AFAP1: variants seen among roughly 807,000 people sequenced by gnomAD.
The protein encoded by AFAP1 is actin filament-associated protein 1.
In AFAP1, 75 loss-of-function variants were observed where a neutral mutation model predicts 93.9. The observed-to-expected ratio is 0.80, with a 90% CI of 0.66 to 0.97. AFAP1 has a LOEUF of 0.97. AFAP1 is among the 50% of genes least tolerant of loss of function. The probability of loss-of-function intolerance (pLI) is 0.00; values close to 1 mark genes in which losing one functional copy is unlikely to be tolerated. For missense variants in AFAP1, 1,201 were observed against 1,050.8 expected (o/e 1.14, Z -1.98); for synonymous variants, 517 against 430.7 (o/e 1.20, Z -2.48).
intron 6 of AFAP1, among the ~76,000 whole-genome samples, chr4:7,822,197 C>T (rs919750382): frequency 2.0e-5 from 3 of 152,178 alleles, no homozygotes; most frequent in Non-Finnish European, 4.4e-5. Context: ...GCTTCTACGT[C>T]AAACCCACCT....
intron 17 of AFAP1, among the ~76,000 whole-genome samples, chr4:7,768,233 C>A (rs1327415735): frequency 6.6e-6 from 1 of 152,268 alleles, no homozygotes; most frequent in Non-Finnish European, 1.5e-5. Context: ...GCACTTTCCG[C>A]TGCTGCCGCC....
At chr4:7,820,245 G>A (rs1720846543) in intron 6 of AFAP1, among the ~76,000 whole-genome samples, 2 of 152,208 alleles carry the variant, frequency 1.3e-5, no homozygotes, top group African/African-American at 4.8e-5. Flanking sequence ...TGGATTCTTA[G>A]CAACTGGGTG....
At chr4:7,930,105 G>A (rs918380604) in intron 1 of AFAP1, among the ~76,000 whole-genome samples, 2 of 152,162 alleles carry the variant, frequency 1.3e-5, no homozygotes, top group African/African-American at 4.8e-5. Context: ...ACACAGTGTT[G>A]CTGAAAAAGT....
intron 17 of AFAP1, among the ~76,000 whole-genome samples, chr4:7,767,711 C>G (rs1242968527): frequency 6.6e-6 from 1 of 152,130 alleles, no homozygotes; most frequent in Middle Eastern, 3.2e-3. Flanking sequence ...GAGAGCACAG[C>G]AGGGGGGCGG....
In AFAP1 at chr4:7,800,560, A is replaced by G. The variant is rs760846833; in HGVS notation, c.1148T>C (p.Leu383Pro). The change falls in exon 10 of 18, where the codon CTG becomes CCG. Residue 383 changes from leucine to proline, a missense_variant. By Grantham distance (98) the Leu-to-Pro change is moderately conservative (BLOSUM62 -3). Coordinates refer to ENST00000420658, the MANE Select transcript of AFAP1 (RefSeq NM_001134647.2). ...CGGAATAGACACAATATGGGTCTTC[A>G]GGTCGGTCCTGTCCTTGTGGAAAAT... is the stretch of plus-strand genomic sequence containing the variant. ...KLIFHKDRTD[L>P]KTHIVSIPLR... 1 of 1,614,218 alleles carries G rather than the reference A, an allele frequency of 6.2e-7. No homozygotes were observed. Among genetic ancestry groups the G allele is most frequent in the Non-Finnish European group, 8.5e-7 (1 of 1,180,034 alleles).
intron 4 of AFAP1, among the ~76,000 whole-genome samples, chr4:7,852,743 A>C (rs569714536): frequency 8.5e-5 from 13 of 152,234 alleles, no homozygotes; most frequent in African/African-American, 2.9e-4. Context: ...TGGAGACGGA[A>C]CCTGTTACAG....
intron 1 of AFAP1, among the ~76,000 whole-genome samples, chr4:7,895,863 T>TG (rs1342885107): frequency 6.6e-6 from 1 of 150,526 alleles, no homozygotes; most frequent in Non-Finnish European, 1.5e-5. Flanking sequence ...TTTTTTTTTT[T>TG]TTTTTTTTTT....
chr4:7,875,349 T>C lies in AFAP1; in HGVS notation c.-2-3269A>G, dbSNP rs114529265. Among the ~76,000 whole-genome samples, 901 of 152,310 alleles carry C rather than the reference T, an allele frequency of 5.9e-3. 7 individuals are homozygous for C. The highest frequency in any genetic ancestry group is 0.019 in the African/African-American group (785 of 41,564). ...GATGTGGCACCAGCAGTTCACTCTTTCCAGCTGGGCGATTTTCCCTTCTAT... is the reference window on the plus strand; with the variant it reads ...GATGTGGCACCAGCAGTTCACTCTTCCCAGCTGGGCGATTTTCCCTTCTAT... On this transcript the variant is annotated intron_variant, in intron 1 of 17. Transcript: ENST00000420658.
intron 9 of AFAP1, among the ~76,000 whole-genome samples, chr4:7,802,792 G>A (rs1719172940): frequency 6.6e-6 from 1 of 152,072 alleles, no homozygotes; most frequent in Admixed American, 6.5e-5. Context: ...TGGGACTACA[G>A]GCGCCCGCCA....
At chr4:7,888,272 CAA>C (rs751087047) in intron 1 of AFAP1, among the ~76,000 whole-genome samples, 3 of 152,208 alleles carry the variant, frequency 2.0e-5, no homozygotes, top group Admixed American at 1.3e-4. Context: ...CACCAAAACA[CAA>C]AGTGTCTTAA....
intron 1 of AFAP1, among the ~76,000 whole-genome samples, chr4:7,919,062 C>A (rs1338954298): frequency 1.5e-4 from 23 of 151,278 alleles, no homozygotes; most frequent in African/African-American, 4.6e-4. Context: ...AAGAGACACT[C>A]GGCCCAGGTC....
chr4:7,859,417 T>A (rs565957705), intron 3 of AFAP1, among the ~76,000 whole-genome samples: 3 of 151,870 alleles, frequency 2.0e-5, no homozygotes, highest in African/African-American at 4.8e-5. Flanking sequence ...AGACTCTGTC[T>A]CGAAAAAAAA....
intron 16 of AFAP1, 124 bp downstream of exon 16, chr4:7,772,696 T>A: frequency 1.2e-6 from 1 of 847,296 alleles, no homozygotes. Context: ...TGTCTTCTGC[T>A]GGGCACACTA....
chr4:7,830,962 G>A (rs1560185895), intron 6 of AFAP1, among the ~76,000 whole-genome samples: 1 of 152,136 alleles, frequency 6.6e-6, no homozygotes, highest in Non-Finnish European at 1.5e-5. Flanking sequence ...CCTTTGGGAA[G>A]GGAGAGAGAC....
intron 3 of AFAP1, among the ~76,000 whole-genome samples, chr4:7,866,496 C>T (rs904922011): frequency 4.6e-5 from 7 of 152,206 alleles, no homozygotes; most frequent in African/African-American, 1.7e-4. Flanking sequence ...GCACCTGGCC[C>T]CAGCTGCTTC....
intron 3 of AFAP1, among the ~76,000 whole-genome samples, chr4:7,860,279 G>A (rs1715526276): frequency 6.6e-6 from 1 of 150,518 alleles, no homozygotes; most frequent in South Asian, 2.1e-4. Context: ...GTGTGTGTGT[G>A]TATATGTGTG....
At chr4:7,916,723 T>C (rs766295850) in intron 1 of AFAP1, among the ~76,000 whole-genome samples, 7 of 152,122 alleles carry the variant, frequency 4.6e-5, no homozygotes, top group African/African-American at 9.7e-5. Flanking sequence ...CAAGCATCTC[T>C]GAAAAGTGTA....
chr4:7,793,839 GA>G lies in AFAP1; in HGVS notation c.1267-14del. The G allele has an allele frequency of 8.6e-6, 13 of 1,512,180 alleles. No individual in the cohort carries two copies. Among genetic ancestry groups the G allele is most frequent in the East Asian group, 2.3e-5 (1 of 43,432 alleles). 93.7% of individuals were successfully genotyped at this position (1,512,180 alleles called of 1,614,324 possible). On this transcript the variant is annotated splice_polypyrimidine_tract_variant and intron_variant, in intron 10 of 17. Transcript: ENST00000420658. ...CAGAAGAAGATGCCTGTTGAAGTGG[GA>G]AAAAAGGTAGGCTGTATTTAACTAA...
intron 13 of AFAP1, 125 bp downstream of exon 13, chr4:7,781,251 T>C (rs1716738047): frequency 8.0e-7 from 1 of 1,248,668 alleles, no homozygotes; most frequent in African/African-American, 1.5e-5. Flanking sequence ...TATATTCTAG[T>C]TGAGAAAAAA....
Sources: gnomAD v4.1 joint callset for allele counts (sites outside exome capture counted in the v4.1 genomes callset) on GRCh38, gnomAD v4.1.1 for gene constraint, MANE v1.5 for transcripts, NCBI Gene and HGNC (gene_info 2026-07-23, HGNC 2026-07-21) for gene names.